The following ENPP2 variants were observed in gnomAD, a reference collection of about 807,000 sequenced individuals.
ENPP2 encodes the protein autotaxin.
ENPP2 carries 51 observed loss-of-function variants against 120.2 expected under a neutral mutation model. The ratio of observed to expected loss-of-function variants is 0.42; its 90% CI spans 0.34 to 0.54. The LOEUF (loss-of-function observed/expected upper bound fraction) is 0.54, where lower values mean the gene tolerates loss of function less well. Ranked by LOEUF, ENPP2 falls within the 20% of genes least tolerant of loss-of-function variation. The pLI is 0.04. For synonymous variants in ENPP2, 365 were observed against 366.4 expected (o/e 1.00, Z 0.04); for missense variants, 920 against 1,066.5 (o/e 0.86, Z 1.91).
At chr8:119,567,891 C>T (rs1257846855) in intron 22 of ENPP2, among the ~76,000 whole-genome samples, 4 of 152,258 alleles carry the variant, frequency 2.6e-5, no homozygotes, top group Admixed American at 2.6e-4. Context: ...CATGCATGAC[C>T]TGTGGTCACT....
chr8:119,584,068 A>G lies in ENPP2; in HGVS notation c.1368-19T>C. On this transcript the variant is annotated intron_variant, in intron 15 of 24. Transcript: ENST00000075322. ...AGGTTTCCTAAATTGAAACAATTTC[A>G]TGATTAGTTAGAATTTCTCATGAAA... is the stretch of plus-strand genomic sequence containing the variant. 1 of 1,481,776 alleles carries G rather than the reference A, an allele frequency of 6.7e-7. No individual in the cohort carries two copies. The highest frequency in any genetic ancestry group is 1.7e-4 in the Middle Eastern group (1 of 5,794). 91.8% of individuals were successfully genotyped at this position (1,481,776 alleles called of 1,614,324 possible).
chr8:119,570,966 C>T, intron 19 of ENPP2, 125 bp from the exon 20 acceptor site: 1 of 506,242 alleles, frequency 2.0e-6, no homozygotes, highest in East Asian at 3.4e-5. Context: ...ATAGCACCTT[C>T]TCCTTAATTT....
At chr8:119,580,234 C>T (rs1475692411) in intron 18 of ENPP2, 67 bp from the exon 19 acceptor site, 1 of 1,224,746 alleles carries the variant, frequency 8.2e-7, no homozygotes, top group African/African-American at 1.5e-5. Context: ...CCTCTGTGCC[C>T]TTCTGTCGAC....
At chr8:119,626,824 G>A (rs909936646) in intron 2 of ENPP2, 104 bp from the exon 3 acceptor site, 3 of 1,034,836 alleles carry the variant, frequency 2.9e-6, no homozygotes, top group Middle Eastern at 3.1e-4. Context: ...GTGGACTCTG[G>A]AGGAGAACAC....
At chr8:119,568,353 C>A (rs551055200) in intron 21 of ENPP2, 101 bp from the exon 22 acceptor site, 206 of 707,262 alleles carry the variant, frequency 2.9e-4, no homozygotes, top group Non-Finnish European at 4.7e-4. Flanking sequence ...ATGGTCCAAA[C>A]AACATGAAGT....
At position 119,558,850 on chromosome 8, in the gene ENPP2, CT is replaced by C. The variant is rs1335646260; in HGVS notation, c.2422-1160del. ...TATTCAGACATGCCCTCATCCAACT[CT>C]TTACCACCAGTGGTCTCAGTGAACT... is the stretch of plus-strand genomic sequence containing the variant. On this transcript the variant is annotated intron_variant, in intron 24 of 24. Coordinates refer to ENST00000075322, the MANE Select transcript of ENPP2 (RefSeq NM_001040092.3). 9.2e-5 allele frequency among the ~76,000 whole-genome samples: 14 copies of C among 152,132 alleles called. 1 individual carries two copies. Among genetic ancestry groups the C allele is most frequent in the Admixed American group, 5.2e-4 (8 of 15,274 alleles).
At chr8:119,590,765 A>G in intron 12 of ENPP2, 135 bp from the exon 13 acceptor site, 1 of 536,522 alleles carries the variant, frequency 1.9e-6, no homozygotes, top group Non-Finnish European at 3.1e-6. Context: ...GACTTTTGAG[A>G]TTTTTGTATT....
chr8:119,564,683 AAT>A (rs759942943), intron 23 of ENPP2, 138 bp downstream of exon 23: 2,689 of 322,648 alleles, frequency 8.3e-3, no homozygotes, highest in Middle Eastern at 0.015. Flanking sequence ...GTCTCAAAAA[AAT>A]ATATATATAT....
chr8:119,575,220 A>G (rs1812249991), intron 19 of ENPP2, among the ~76,000 whole-genome samples: 1 of 152,208 alleles, frequency 6.6e-6, no homozygotes, highest in African/African-American at 2.4e-5. Flanking sequence ...TTTGCACAAA[A>G]TAATTCAGCT....
intron 24 of ENPP2, among the ~76,000 whole-genome samples, chr8:119,559,784 A>G (rs1813767925): frequency 6.6e-6 from 1 of 152,218 alleles, no homozygotes; most frequent in Admixed American, 6.5e-5. Flanking sequence ...CTTCCTCATT[A>G]TGGACATTGA....
chr8:119,569,387 G>A lies in ENPP2; in HGVS notation c.1918-17C>T, dbSNP rs1474062083. 6.2e-7 allele frequency: 1 copy of A among 1,613,372 alleles called. No individual in the cohort carries two copies. Among genetic ancestry groups the A allele is most frequent in the Non-Finnish European group, 8.5e-7 (1 of 1,179,792 alleles). ...AACCTCAGCCTGCACGGGAGTCAGA[G>A]GCACTCAGCAATGCCGTGGCTCTGT... On this transcript the variant is annotated splice_polypyrimidine_tract_variant and intron_variant, in intron 20 of 24. Transcript: ENST00000075322.
intron 1 of ENPP2, among the ~76,000 whole-genome samples, chr8:119,670,235 T>G (rs559354975): frequency 5.9e-5 from 9 of 152,312 alleles, no homozygotes; most frequent in Non-Finnish European, 1.3e-4. Context: ...GAGAGGGAGC[T>G]GATAGACCCA....
chr8:119,623,713 C>A (rs1816072495), intron 3 of ENPP2, among the ~76,000 whole-genome samples: 1 of 152,040 alleles, frequency 6.6e-6, no homozygotes, highest in South Asian at 2.1e-4. Flanking sequence ...GCAACCTCTA[C>A]CTTTCAGGTT....
At chr8:119,562,703 A>T (rs1297932951) in intron 24 of ENPP2, among the ~76,000 whole-genome samples, 154 bp downstream of exon 24, 1 of 152,218 alleles carries the variant, frequency 6.6e-6, no homozygotes, top group Non-Finnish European at 1.5e-5. Flanking sequence ...AAATTCCTAC[A>T]TGTTAAGCAA....
chr8:119,617,603 C>T (rs1306003937), intron 5 of ENPP2, 40 bp from the exon 6 acceptor site: 1 of 1,379,882 alleles, frequency 7.2e-7, no homozygotes, highest in African/African-American at 1.4e-5. Flanking sequence ...AACATTATTA[C>T]CAGAGTTGCC....
chr8:119,574,199 T>C (rs1478438934), intron 19 of ENPP2, among the ~76,000 whole-genome samples: 1 of 152,078 alleles, frequency 6.6e-6, no homozygotes, highest in Admixed American at 6.6e-5. Flanking sequence ...ACTCTCCTAG[T>C]CTTTATGACA....
chr8:119,664,833 T>A (rs113223039), intron 1 of ENPP2, among the ~76,000 whole-genome samples: 234 of 152,174 alleles, frequency 1.5e-3, no homozygotes, highest in African/African-American at 5.3e-3. Context: ...CCCAGCTACT[T>A]GGGAGGCTAA....
chr8:119,594,475 T>C lies in ENPP2; in HGVS notation c.973-615A>G, dbSNP rs1469315252. Among the ~76,000 whole-genome samples the C allele has an allele frequency of 2.0e-5, 3 of 152,338 alleles. No homozygotes were observed. The East Asian group carries it at 5.8e-4, about 29-fold the overall frequency. On this transcript the variant is annotated intron_variant, in intron 11 of 24. Coordinates refer to ENST00000075322, the MANE Select transcript of ENPP2 (RefSeq NM_001040092.3). ...GCTGATTTTGAGTGAAACAAGAATC[T>C]ATAAGAGTCCTAACTTAAAAAGAAG...
rs148961116 is a variant in ENPP2, at chr8:119,626,689, G to A, written c.168C>T (p.Ser56=). The stretch of plus-strand genomic sequence containing the variant: ...CAAAGCACCTGCCCTTGCAAGATCC[G>A]GAGATGTTGGTCCAGGGGGAGTCTG... ...VLSDSPWTNI[S]GSCKGRCFEL... is the part of the protein sequence containing the mutation. The change falls in exon 3 of 25, where the codon TCC becomes TCT. Residue 56 remains serine (S), a synonymous_variant. Coordinates refer to ENST00000075322, the MANE Select transcript of ENPP2 (RefSeq NM_001040092.3). 60 of 1,614,082 alleles carry A rather than the reference G, an allele frequency of 3.7e-5. No homozygotes were observed. The highest frequency in any genetic ancestry group is 4.5e-5 in the Non-Finnish European group (53 of 1,179,954).
Sources: gnomAD v4.1 joint callset for allele counts (sites outside exome capture counted in the v4.1 genomes callset) on GRCh38, gnomAD v4.1.1 for gene constraint, MANE v1.5 for transcripts, NCBI Gene and HGNC (gene_info 2026-07-23, HGNC 2026-07-21) for gene names.